Variants in POMT2 observed in about 807,000 individuals in gnomAD.
POMT2 encodes the protein protein O-mannosyl-transferase 2.
Under a neutral mutation model 100.0 loss-of-function variants are expected in POMT2, and 75 were observed. That is an observed-to-expected ratio of 0.75 (90% CI 0.62 to 0.91). POMT2 has a LOEUF of 0.91. Among genes scored for constraint, POMT2 ranks in the 40% least tolerant of loss-of-function variants. The pLI is 0.00. For missense variants in POMT2, 940 were observed against 955.1 expected (o/e 0.98, Z 0.21); for synonymous variants, 378 against 374.1 (o/e 1.01, Z -0.12).
At chr14:77,292,633 A>G (rs1890678668) in intron 9 of POMT2, among the ~76,000 whole-genome samples, 1 of 152,246 alleles carries the variant, frequency 6.6e-6, no homozygotes, top group Non-Finnish European at 1.5e-5. Context: ...TGACCAATTT[A>G]TAGTCATATG....
intron 1 of POMT2, among the ~76,000 whole-genome samples, chr14:77,319,859 C>T (rs949799582): frequency 1.3e-5 from 2 of 152,222 alleles, no homozygotes; most frequent in Non-Finnish European, 1.5e-5. Flanking sequence ...TGTTTTCTTG[C>T]CTGCTTTTTG....
chr14:77,284,574 T>A (rs577536470), intron 14 of POMT2, among the ~76,000 whole-genome samples: 1 of 151,602 alleles, frequency 6.6e-6, no homozygotes, highest in African/African-American at 2.4e-5. Context: ...TATAAAAGCA[T>A]TGGCTGGATA....
chr14:77,281,788 C>T (rs1274995775), intron 15 of POMT2, among the ~76,000 whole-genome samples: 1 of 152,204 alleles, frequency 6.6e-6, no homozygotes, highest in East Asian at 1.9e-4. Flanking sequence ...CTACCCTCAA[C>T]CCCTCAGTTT....
At chr14:77,291,607 A>T in intron 9 of POMT2, 2 of 632,364 alleles carry the variant, frequency 3.2e-6, no homozygotes, top group Non-Finnish European at 5.4e-6. Flanking sequence ...GTCCCACAAG[A>T]GCCTTTTTGT....
chr14:77,292,293 G>A (rs1381729708), intron 9 of POMT2, among the ~76,000 whole-genome samples: 2 of 152,142 alleles, frequency 1.3e-5, no homozygotes, highest in African/African-American at 4.8e-5. Flanking sequence ...AGCAACATGG[G>A]AAAAGGCTCA....
rs140348084 is a variant in POMT2 at position 77,302,954 on chromosome 14, T to C, written c.548-11A>G. 85 of 1,599,304 alleles carry C rather than the reference T, an allele frequency of 5.3e-5. No homozygotes were observed. In the East Asian group the frequency reaches 1.6e-3, roughly 30 times the overall value. On this transcript the variant is annotated splice_polypyrimidine_tract_variant and intron_variant, in intron 4 of 20. Transcript: ENST00000261534. Reference sequence around the variant, plus strand: ...TGAGGCATCCCGTGTCTGAAAAACATGAGCTCGCTGGTGAAAAAGCGAGGT... The same window carrying C: ...TGAGGCATCCCGTGTCTGAAAAACACGAGCTCGCTGGTGAAAAAGCGAGGT...
chr14:77,295,214 C>T (rs1003732855), intron 9 of POMT2, among the ~76,000 whole-genome samples: 1 of 152,204 alleles, frequency 6.6e-6, no homozygotes, highest in Non-Finnish European at 1.5e-5. Flanking sequence ...GACACAGCAT[C>T]GTTCACTCAT....
In POMT2 at chr14:77,286,731, G is replaced by A. The variant is rs142916824; in HGVS notation, c.1332+13C>T. On this transcript the variant is annotated intron_variant, in intron 12 of 20. Transcript: ENST00000261534. Reference sequence around the variant, plus strand: ...ACTTTTACGTCCTACTCACATCCCCGTTGCTTACTTACTATGCCATAGCCG... The same window carrying A: ...ACTTTTACGTCCTACTCACATCCCCATTGCTTACTTACTATGCCATAGCCG... 4.4e-4 allele frequency: 707 copies of A among 1,614,032 alleles called. 4 individuals carry two copies. In the African/African-American group the frequency reaches 6.5e-3, roughly 15 times the overall value.
In POMT2 at chr14:77,320,356, C is replaced by T. The variant is rs891653482; in HGVS notation, c.248+78G>A. ...CCTCCTCCTATAGATCCCGCCCCCTCCGTACCCTCGGGCCAATCAGAGGGC... is the reference window on the plus strand; with the variant it reads ...CCTCCTCCTATAGATCCCGCCCCCTTCGTACCCTCGGGCCAATCAGAGGGC... On this transcript the variant is annotated intron_variant, in intron 1 of 20. Transcript: ENST00000261534. 20 of 1,539,222 alleles carry T rather than the reference C, an allele frequency of 1.3e-5. No individual in the cohort carries two copies. The African/African-American group carries it at 2.5e-4, about 19-fold the overall frequency.
chr14:77,279,619 C>T (rs113293755), intron 18 of POMT2: 99 of 691,634 alleles, frequency 1.4e-4, no homozygotes, highest in Middle Eastern at 7.0e-4. Context: ...TAATAGCCAA[C>T]GCTCTAGTGT....
intron 11 of POMT2, among the ~76,000 whole-genome samples, chr14:77,288,543 T>G (rs1301196329): frequency 6.6e-6 from 1 of 152,084 alleles, no homozygotes; most frequent in African/African-American, 2.4e-5. Context: ...CAACTCAAAT[T>G]TTCCTCTAGG....
At chr14:77,306,486 A>AT in intron 2 of POMT2, 45 bp from the exon 3 acceptor site, 1 of 1,602,922 alleles carries the variant, frequency 6.2e-7, no homozygotes, top group Non-Finnish European at 8.5e-7. Context: ...CCTTTGGGAG[A>AT]AGATTCCTCT....
At position 77,298,789 on chromosome 14, in the gene POMT2, G is replaced by A. The variant is rs1436632543; in HGVS notation, c.924-18C>T. 4.4e-6 allele frequency: 7 copies of A among 1,606,158 alleles called. No homozygotes were observed. The East Asian group carries it at 6.7e-5, about 15-fold the overall frequency. ...CAGGGCCACTGTGGGGAGAGGAAGA[G>A]CAGAAGAGAGTCAAGTTAAAGGAGT... On this transcript the variant is annotated intron_variant, in intron 7 of 20. Transcript: ENST00000261534.
intron 12 of POMT2, 25 bp from the exon 13 acceptor site, chr14:77,285,657 T>C (rs779389210): frequency 4.4e-6 from 7 of 1,604,188 alleles, no homozygotes; most frequent in East Asian, 2.2e-5. Context: ...AAGAAAAAAA[T>C]ACAAAGAAAG....
chr14:77,280,595 G>T, intron 15 of POMT2, 132 bp from the exon 16 acceptor site: 2 of 1,539,012 alleles, frequency 1.3e-6, no homozygotes, highest in Non-Finnish European at 1.8e-6. Context: ...CCCTTGCAGG[G>T]AAGAATCAGG....
In POMT2 at chr14:77,296,529, C is replaced by T. The variant is rs3783986; in HGVS notation, c.1007-256G>A. ...TAACACTGTCATTATCAAAGCACTACGTGTAACAGCAAAAGACGAAAAACA... is the reference window on the plus strand; with the variant it reads ...TAACACTGTCATTATCAAAGCACTATGTGTAACAGCAAAAGACGAAAAACA... On this transcript the variant is annotated intron_variant, in intron 8 of 20. Transcript: ENST00000261534. 217,827 of 519,272 alleles carry T rather than the reference C, an allele frequency of 0.42. 46,553 individuals carry two copies. Among genetic ancestry groups the T allele is most frequent in the South Asian group, 0.54 (24,069 of 44,866 alleles). 32.2% of individuals were successfully genotyped at this position (519,272 alleles called of 1,614,324 possible).
At chr14:77,316,515 A>G (rs1891631260) in intron 1 of POMT2, among the ~76,000 whole-genome samples, 1 of 144,870 alleles carries the variant, frequency 6.9e-6, no homozygotes, top group Non-Finnish European at 1.5e-5. Flanking sequence ...GCAGTGAGCT[A>G]TGATTGTACC....
In POMT2 at chr14:77,285,582, C is replaced by T. The variant is rs2270419; in HGVS notation, c.1383G>A (p.Arg461=). The change falls in exon 13 of 21, where the codon AGG becomes AGA. Residue 461 remains arginine, a synonymous_variant. Coordinates refer to ENST00000261534, the MANE Select transcript of POMT2 (RefSeq NM_013382.7). ...NDFWRIEVVN[R]KFGNRIKVLR... ...GCACTTTGATCCGGTTTCCAAATTT[C>T]CTGTTTACGACCTCAATCCGCCAGA... The T allele has an allele frequency of 0.81, 1,302,129 of 1,613,592 alleles. 526,782 individuals carry two copies. The highest frequency in any genetic ancestry group is 0.96 in the East Asian group (43,278 of 44,852).
intron 20 of POMT2, among the ~76,000 whole-genome samples, chr14:77,278,036 T>C (rs1014043002): frequency 6.6e-6 from 1 of 151,456 alleles, no homozygotes; most frequent in Non-Finnish European, 1.5e-5. Flanking sequence ...GGGGCCATGG[T>C]GACTAAAGAG....
Sources: gnomAD v4.1 joint callset for allele counts (sites outside exome capture counted in the v4.1 genomes callset) on GRCh38, gnomAD v4.1.1 for gene constraint, MANE v1.5 for transcripts, NCBI Gene and HGNC (gene_info 2026-07-23, HGNC 2026-07-21) for gene names.